NRXN3: variants seen among roughly 807,000 people sequenced by gnomAD.
The protein encoded by NRXN3 is neurexin 3.
In NRXN3, 32 loss-of-function variants were observed where a neutral mutation model predicts 137.6. The observed-to-expected ratio is 0.23, with a 90% CI of 0.18 to 0.31. NRXN3 has a LOEUF of 0.31. Ranked by LOEUF, NRXN3 falls within the 10% of genes least tolerant of loss-of-function variation. The probability of loss-of-function intolerance (pLI) is 1.00; values close to 1 mark genes in which losing one functional copy is unlikely to be tolerated. For missense variants in NRXN3, 1,574 were observed against 2,062.5 expected (o/e 0.76, Z 4.59); for synonymous variants, 798 against 784.5 (o/e 1.02, Z -0.29).
At chr14:78,294,515 C>T (rs995821834) in intron 3 of NRXN3, among the ~76,000 whole-genome samples, 5 of 138,432 alleles carry the variant, frequency 3.6e-5, no homozygotes, top group South Asian at 2.3e-4. Flanking sequence ...AAGATTGCAC[C>T]ATTGCACTTT....
At chr14:78,810,656 G>T (rs1298714139) in intron 10 of NRXN3, among the ~76,000 whole-genome samples, 1 of 152,190 alleles carries the variant, frequency 6.6e-6, no homozygotes, top group Non-Finnish European at 1.5e-5. Context: ...ATGATTTATT[G>T]TTTTTGGGAG....
chr14:78,836,403 G>A (rs1384244683), intron 10 of NRXN3, among the ~76,000 whole-genome samples: 1 of 152,116 alleles, frequency 6.6e-6, no homozygotes. Context: ...AAGATATAAA[G>A]AGCAATTTTA....
At chr14:78,561,814 A>G (rs1318975792) in intron 4 of NRXN3, among the ~76,000 whole-genome samples, 3 of 152,172 alleles carry the variant, frequency 2.0e-5, no homozygotes, top group Non-Finnish European at 4.4e-5. Context: ...TGGATTTGTT[A>G]TTTTGGCAAT....
intron 15 of NRXN3, among the ~76,000 whole-genome samples, chr14:79,115,209 C>T (rs1052684698): frequency 2.6e-5 from 4 of 151,740 alleles, no homozygotes; most frequent in Admixed American, 6.6e-5. Flanking sequence ...CCTGTAATCC[C>T]AGCTACTTGG....
At chr14:79,755,582 A>G (rs1568129874) in intron 19 of NRXN3, among the ~76,000 whole-genome samples, 1 of 149,404 alleles carries the variant, frequency 6.7e-6, no homozygotes, top group Non-Finnish European at 1.5e-5. Flanking sequence ...TCTACAACTC[A>G]TTCTAATATT....
chr14:79,814,767 C>T (rs746727702), intron 20 of NRXN3, among the ~76,000 whole-genome samples: 3 of 152,098 alleles, frequency 2.0e-5, no homozygotes, highest in Non-Finnish European at 1.5e-5. Flanking sequence ...ATCATTTCTG[C>T]TGTGTAGAAC....
In NRXN3 at chr14:78,500,221, T is replaced by C. The variant is rs546238059; in HGVS notation, c.758-144899T>C. ...TAATTATTCAGCAGAATTCTGGAAA[T>C]TTTAAGTTTTCTAGAAATGTATAGT... On this transcript the variant is annotated intron_variant, in intron 4 of 20. Coordinates refer to ENST00000335750, the MANE Select transcript of NRXN3 (RefSeq NM_001330195.2). Among the ~76,000 whole-genome samples the C allele has an allele frequency of 1.6e-4, 24 of 152,296 alleles. No individual in the cohort carries two copies. In the South Asian group the frequency reaches 2.9e-3, roughly 18 times the overall value.
intron 15 of NRXN3, among the ~76,000 whole-genome samples, chr14:79,324,314 A>G (rs1016253227): frequency 5.9e-5 from 9 of 152,254 alleles, no homozygotes; most frequent in African/African-American, 2.2e-4. Context: ...TGAATTAAAT[A>G]TACACACAGA....
At chr14:79,354,412 T>A (rs1283293960) in intron 15 of NRXN3, among the ~76,000 whole-genome samples, 4 of 152,198 alleles carry the variant, frequency 2.6e-5, no homozygotes, top group Admixed American at 6.5e-5. Context: ...AATAAACATT[T>A]TTTAAAAAAA....
intron 4 of NRXN3, among the ~76,000 whole-genome samples, chr14:78,542,645 G>T (rs1204923430): frequency 1.3e-5 from 2 of 152,148 alleles, no homozygotes; most frequent in Non-Finnish European, 2.9e-5. Flanking sequence ...TGCACTTCCT[G>T]GGTGAGGCGA....
At chr14:78,784,498 T>C (rs1007438479) in intron 8 of NRXN3, among the ~76,000 whole-genome samples, 2 of 151,884 alleles carry the variant, frequency 1.3e-5, no homozygotes, top group African/African-American at 2.4e-5. Flanking sequence ...ACAACAGAAG[T>C]GAAATGAGAC....
chr14:79,791,935 T>A (rs924899625), intron 19 of NRXN3, among the ~76,000 whole-genome samples: 6 of 152,194 alleles, frequency 3.9e-5, no homozygotes, highest in Non-Finnish European at 8.8e-5. Flanking sequence ...AATAGTCATC[T>A]TCCCTGCTAC....
chr14:79,367,141 G>A (rs12894140), intron 15 of NRXN3, among the ~76,000 whole-genome samples: 59,662 of 151,746 alleles, frequency 0.39, 12,768 homozygotes, highest in Admixed American at 0.5. Flanking sequence ...CCACCACCAC[G>A]CCTAGCTTAT....
At chr14:79,695,142 T>C (rs2098730851) in intron 18 of NRXN3, among the ~76,000 whole-genome samples, 1 of 151,868 alleles carries the variant, frequency 6.6e-6, no homozygotes, top group Admixed American at 6.6e-5. Context: ...GAGCACTTTG[T>C]GGAGTGAATG....
chr14:78,926,699 A>ATATATAT (rs1470940016), intron 10 of NRXN3, among the ~76,000 whole-genome samples: 1 of 91,410 alleles, frequency 1.1e-5, no homozygotes, highest in East Asian at 3.1e-4. Flanking sequence ...TATATATAAA[A>ATATATAT]TATATATTAT....
intron 4 of NRXN3, among the ~76,000 whole-genome samples, chr14:78,453,183 T>C (rs765627305): frequency 3.9e-5 from 6 of 152,162 alleles, no homozygotes; most frequent in Non-Finnish European, 7.3e-5. Context: ...ACAGTTCCAC[T>C]GTTAGGGATG....
At chr14:79,154,865 C>A (rs1278528249) in intron 15 of NRXN3, among the ~76,000 whole-genome samples, 1 of 151,926 alleles carries the variant, frequency 6.6e-6, no homozygotes, top group Admixed American at 6.6e-5. Context: ...CTTCTTAATT[C>A]TTGTCTTGTA....
At chr14:79,470,947 AGAGAGT>A (rs1487420312) in intron 16 of NRXN3, among the ~76,000 whole-genome samples, 1,349 of 102,594 alleles carry the variant, frequency 0.013, 12 homozygotes, top group Middle Eastern at 0.068. Context: ...AGAAAGAGAG[AGAGAGT>A]GTGTGTGTGT....
chr14:78,403,884 T>A, intron 4 of NRXN3: 2 of 985,346 alleles, frequency 2.0e-6, no homozygotes, highest in Non-Finnish European at 2.4e-6. Flanking sequence ...GGCAGGTAAG[T>A]CTTTCGGCTC....
Sources: allele counts gnomAD v4.1 joint callset (sites outside exome capture counted in the v4.1 genomes callset), GRCh38; gene constraint gnomAD v4.1.1; transcripts MANE v1.5; gene names NCBI Gene and HGNC (gene_info 2026-07-23, HGNC 2026-07-21).